The following GRB2 variants were observed in gnomAD, a reference collection of about 807,000 sequenced individuals.
GRB2 encodes growth factor receptor bound protein 2.
A neutral mutation model predicts 27.4 loss-of-function variants in GRB2; 2 were observed. The observed-to-expected ratio is 0.07, with a 90% CI of 0.03 to 0.23. The LOEUF (loss-of-function observed/expected upper bound fraction) is 0.23. GRB2 is among the 10% of genes least tolerant of loss of function. GRB2 has a pLI of 1.00. For synonymous variants in GRB2, 94 were observed against 99.6 expected (o/e 0.94, Z 0.33); for missense variants, 102 against 282.4 (o/e 0.36, Z 4.58).
chr17:75,346,162 A>ATTTTTT lies in GRB2; in HGVS notation c.79-13371_79-13366dup, dbSNP rs67737628. Among the ~76,000 whole-genome samples the ATTTTTT allele has an allele frequency of 7.3e-3, 986 of 134,208 alleles. 10 individuals carry two copies. The highest frequency in any genetic ancestry group is 0.021 in the South Asian group (89 of 4,182). 88.0% of individuals were successfully genotyped at this position (134,208 alleles called of 152,430 possible). A position where few individuals can be genotyped will look rare whatever the true frequency, so the allele number is the denominator to read the frequency against. On this transcript the variant is annotated intron_variant, in intron 2 of 5. Transcript: ENST00000316804. ...TCAGTGGTCTTCCTCTCGGCCACTGATTTTTTTTTTTTTTTTTTCTGAAAA... is the reference window on the plus strand; with the variant it reads ...TCAGTGGTCTTCCTCTCGGCCACTGATTTTTTTTTTTTTTTTTTTTTTTTCTGAAAA...
rs556725648 is a variant in GRB2 at position 75,340,507 on chromosome 17, G to GA, written c.79-7711dup. 2.6e-4 allele frequency among the ~76,000 whole-genome samples: 40 copies of GA among 152,246 alleles called. No individual in the cohort carries two copies. In the East Asian group the frequency reaches 7.3e-3, roughly 28 times the overall value. ...TCTACTACATAATTTCAAGTTCCTAGAAAAGAGAAAACACACATGCATGCA... is the reference window on the plus strand; with the variant it reads ...TCTACTACATAATTTCAAGTTCCTAGAAAAAGAGAAAACACACATGCATGCA... On this transcript the variant is annotated intron_variant, in intron 2 of 5. Transcript: ENST00000316804.
intron 4 of GRB2, 101 bp downstream of exon 4, chr17:75,325,797 G>T: frequency 8.2e-7 from 1 of 1,213,026 alleles, no homozygotes; most frequent in South Asian, 1.2e-5. Context: ...TTTAGGCTAA[G>T]CCTCCACCAT....
At chr17:75,330,429 G>A (rs559492748) in intron 3 of GRB2, among the ~76,000 whole-genome samples, 38 of 151,748 alleles carry the variant, frequency 2.5e-4, no homozygotes, top group Non-Finnish European at 4.7e-4. Flanking sequence ...GGCAGGGTGC[G>A]GTGGCTTACA....
intron 2 of GRB2, among the ~76,000 whole-genome samples, chr17:75,369,855 C>CA (rs11368419): frequency 0.094 from 13,520 of 144,594 alleles, 712 homozygotes; most frequent in Non-Finnish European, 0.11. Context: ...GACTCCGTCT[C>CA]AAAAAAAAAA....
chr17:75,327,197 G>A (rs2078504413), intron 3 of GRB2, among the ~76,000 whole-genome samples: 1 of 150,338 alleles, frequency 6.7e-6, no homozygotes, highest in African/African-American at 2.4e-5. Context: ...CTCCCAAGTA[G>A]CTGAGCAGCT....
At chr17:75,363,747 C>G (rs997098067) in intron 2 of GRB2, among the ~76,000 whole-genome samples, 1 of 151,728 alleles carries the variant, frequency 6.6e-6, no homozygotes, top group Non-Finnish European at 1.5e-5. Context: ...GTAGTCCCAG[C>G]TACTCGGGAG....
chr17:75,334,634 T>C (rs1567859032), intron 2 of GRB2, among the ~76,000 whole-genome samples: 1 of 152,052 alleles, frequency 6.6e-6, no homozygotes, highest in Non-Finnish European at 1.5e-5. Context: ...TGATGACTAG[T>C]AGTAAAATAG....
intron 2 of GRB2, among the ~76,000 whole-genome samples, chr17:75,393,166 A>G (rs2079009129): frequency 6.6e-6 from 1 of 152,242 alleles, no homozygotes; most frequent in South Asian, 2.1e-4. Context: ...AAGTAAGACT[A>G]ACTGAATGCT....
At chr17:75,321,587 T>C in intron 5 of GRB2, 72 bp downstream of exon 5, 1 of 1,444,274 alleles carries the variant, frequency 6.9e-7, no homozygotes, top group Non-Finnish European at 9.6e-7. Flanking sequence ...CGCCTCCCCT[T>C]TCCTACAGGA....
intron 2 of GRB2, among the ~76,000 whole-genome samples, chr17:75,348,450 C>T (rs1042160224): frequency 6.6e-6 from 1 of 152,094 alleles, no homozygotes; most frequent in Non-Finnish European, 1.5e-5. Flanking sequence ...CAGTAGCTGC[C>T]CCTTTGAATT....
chr17:75,395,589 T>C (rs1343974613), intron 1 of GRB2, among the ~76,000 whole-genome samples: 1 of 152,228 alleles, frequency 6.6e-6, no homozygotes, highest in Non-Finnish European at 1.5e-5. Context: ...TGCTTTCTCT[T>C]TGTATTTACT....
Position 75,320,187 on chromosome 17 carries a change from T to G in GRB2, c.*181A>C, listed in dbSNP as rs1477941814. On this transcript the variant is annotated 3_prime_UTR_variant, in exon 6 of 6. Coordinates refer to ENST00000316804, the MANE Select transcript of GRB2 (RefSeq NM_002086.5). This position sits in a 1 kb window ranked among gnomAD's most constrained non-coding sequence, Gnocchi z 4.3. ...TTAATTTATAGGTAAGTTTTGGCAT[T>G]TTTAAATCCAACGCCCCCTCCCACC... 5 of 558,110 alleles carry G rather than the reference T, an allele frequency of 9.0e-6. No homozygotes were observed. Among genetic ancestry groups the G allele is most frequent in the Non-Finnish European group, 1.6e-5 (5 of 306,882 alleles). 34.6% of individuals were successfully genotyped at this position (558,110 alleles called of 1,614,324 possible).
intron 2 of GRB2, among the ~76,000 whole-genome samples, chr17:75,384,217 G>C (rs983314053): frequency 5.9e-5 from 9 of 152,210 alleles, no homozygotes; most frequent in African/African-American, 2.2e-4. Context: ...CACAGTCACA[G>C]TGAACTTCAG....
chr17:75,321,035 GT>G (rs1490347648), intron 5 of GRB2, among the ~76,000 whole-genome samples: 2 of 152,096 alleles, frequency 1.3e-5, no homozygotes, highest in Admixed American at 6.6e-5. Context: ...CACAAGCATA[GT>G]TTTCCTCATA....
chr17:75,330,351 T>C (rs1236831633), intron 3 of GRB2, among the ~76,000 whole-genome samples: 2 of 151,272 alleles, frequency 1.3e-5, no homozygotes, highest in Admixed American at 1.3e-4. Flanking sequence ...CACAGCACTC[T>C]AGCCTGGCGA....
chr17:75,351,576 C>T (rs567752048), intron 2 of GRB2, among the ~76,000 whole-genome samples: 1 of 152,082 alleles, frequency 6.6e-6, no homozygotes, highest in East Asian at 1.9e-4. Flanking sequence ...TCAGTTGAGC[C>T]TGGAAGGCTG....
At chr17:75,385,050 AAAAAAAAAG>A (rs1271850234) in intron 2 of GRB2, among the ~76,000 whole-genome samples, 43 of 83,978 alleles carry the variant, frequency 5.1e-4, no homozygotes, top group Non-Finnish European at 1.3e-3. Flanking sequence ...AAAAAAAAAA[AAAAAAAAAG>A]CAAACAAACA....
intron 2 of GRB2, among the ~76,000 whole-genome samples, chr17:75,377,074 T>TG (rs1207158755): frequency 2.0e-5 from 3 of 150,172 alleles, no homozygotes; most frequent in Non-Finnish European, 3.0e-5. Context: ...CCGAGCTACT[T>TG]GGGAGGCTGA....
chr17:75,338,968 T>C (rs1567860384), intron 2 of GRB2: 15 of 1,185,206 alleles, frequency 1.3e-5, no homozygotes, highest in Non-Finnish European at 1.5e-5. Flanking sequence ...GCAGAGTGGC[T>C]ATGGTGGGCA....
Sources: gnomAD v4.1 joint callset for allele counts (sites outside exome capture counted in the v4.1 genomes callset) on GRCh38, gnomAD v4.1.1 for gene constraint, Gnocchi (gnomAD v3.1) non-coding constraint, MANE v1.5 for transcripts, NCBI Gene and HGNC (gene_info 2026-07-23, HGNC 2026-07-21) for gene names.